Variants in B3GLCT observed in about 807,000 individuals in gnomAD.
The protein encoded by B3GLCT is beta-1,3-glucosyltransferase.
A neutral mutation model predicts 63.4 loss-of-function variants in B3GLCT; 65 were observed. The observed-to-expected ratio is 1.03, with a 90% confidence interval of 0.84 to 1.26. The LOEUF (loss-of-function observed/expected upper bound fraction) is 1.26, where lower values mean the gene tolerates loss of function less well. Among genes scored for constraint, B3GLCT ranks in the 50% most tolerant of loss-of-function variants. The probability of loss-of-function intolerance (pLI) is 0.00; values close to 1 mark genes in which losing one functional copy is unlikely to be tolerated. For missense variants in B3GLCT, 577 were observed against 604.8 expected, an observed-to-expected ratio of 0.95 and a Z score of 0.48; for synonymous variants, 233 against 219.2, an observed-to-expected ratio of 1.06 and a Z score of -0.55.
intron 12 of B3GLCT, among the ~76,000 whole-genome samples, chr13:31,293,742 G>A (rs954431599): frequency 6.6e-6 from 1 of 152,076 alleles, no homozygotes; most frequent in African/African-American, 2.4e-5. Flanking sequence ...ACTCCAATGG[G>A]TCTTGACTCT....
At chr13:31,231,029 T>C (rs781447731) in intron 4 of B3GLCT, among the ~76,000 whole-genome samples, 2 of 152,214 alleles carry the variant, frequency 1.3e-5, no homozygotes, top group Non-Finnish European at 2.9e-5. Context: ...AATTTTTTTT[T>C]CTTTTTTTTG....
chr13:31,254,666 A>G (rs575647722), intron 6 of B3GLCT, among the ~76,000 whole-genome samples: 5 of 152,194 alleles, frequency 3.3e-5, no homozygotes, highest in South Asian at 2.1e-4. Context: ...GGCCAGGGCA[A>G]TCAGGCAAGA....
At chr13:31,210,215 A>G (rs1045356840) in intron 1 of B3GLCT, among the ~76,000 whole-genome samples, 34 of 152,352 alleles carry the variant, frequency 2.2e-4, no homozygotes, top group African/African-American at 7.7e-4. Flanking sequence ...TGCACTTTAA[A>G]TATAGTTCCC....
At chr13:31,290,156 T>TG (rs1241025315) in intron 12 of B3GLCT, among the ~76,000 whole-genome samples, 1 of 152,210 alleles carries the variant, frequency 6.6e-6, no homozygotes, top group Non-Finnish European at 1.5e-5. Context: ...CTGAGAATGA[T>TG]GGTTTCCAGA....
intron 10 of B3GLCT, among the ~76,000 whole-genome samples, chr13:31,278,919 C>T (rs1477259577): frequency 6.6e-6 from 1 of 152,172 alleles, no homozygotes; most frequent in African/African-American, 2.4e-5. Flanking sequence ...TGGAATGATA[C>T]ACAACTGGCT....
intron 5 of B3GLCT, 52 bp from the exon 6 acceptor site, chr13:31,247,803 T>C (rs1021979833): frequency 1.1e-6 from 1 of 923,970 alleles, no homozygotes. Flanking sequence ...TTAAACCTTA[T>C]TATTAACTTA....
chr13:31,232,231 C>T lies in B3GLCT; in HGVS notation c.270+2937C>T, dbSNP rs564186872. ...TCTAGGATCACTTGCCATATTAGTC[C>T]ATCTTTGCATCGCTATAAAGAAATA... On this transcript the variant is annotated intron_variant, in intron 4 of 14. Coordinates refer to ENST00000343307, the MANE Select transcript of B3GLCT (RefSeq NM_194318.4). Among the ~76,000 whole-genome samples, 3 of 152,298 alleles carry T rather than the reference C, an allele frequency of 2.0e-5. No individual in the cohort carries two copies. The South Asian group carries it at 6.2e-4, about 32-fold the overall frequency.
intron 3 of B3GLCT, among the ~76,000 whole-genome samples, chr13:31,223,478 G>T (rs1019171180): frequency 6.6e-6 from 1 of 152,134 alleles, no homozygotes; most frequent in African/African-American, 2.4e-5. Context: ...AACTTGTCCC[G>T]AGCATCCTGG....
intron 12 of B3GLCT, chr13:31,311,296 A>C (rs1874693914): frequency 6.6e-6 from 1 of 152,294 alleles, no homozygotes; most frequent in South Asian, 2.1e-4. Flanking sequence ...AGGACAGTGG[A>C]CAGCTCAGTA....
chr13:31,207,429 C>T (rs1297963490), intron 1 of B3GLCT, among the ~76,000 whole-genome samples: 1 of 152,038 alleles, frequency 6.6e-6, no homozygotes, highest in Non-Finnish European at 1.5e-5. Flanking sequence ...AATCTCACCC[C>T]CAAGACTGTT....
chr13:31,229,817 T>G (rs141053244), intron 4 of B3GLCT, among the ~76,000 whole-genome samples: 2,061 of 129,342 alleles, frequency 0.016, 52 homozygotes, highest in African/African-American at 0.055. Flanking sequence ...CTGAATTTTT[T>G]TTTGTGTGTG....
At chr13:31,310,712 G>A (rs1282124191) in intron 12 of B3GLCT, among the ~76,000 whole-genome samples, 1 of 152,208 alleles carries the variant, frequency 6.6e-6, no homozygotes, top group Non-Finnish European at 1.5e-5. Flanking sequence ...GCTATAACAG[G>A]AACAAGCTGT....
At chr13:31,258,362 T>TC (rs1331468353) in intron 6 of B3GLCT, among the ~76,000 whole-genome samples, 16 of 152,200 alleles carry the variant, frequency 1.1e-4, no homozygotes, top group Non-Finnish European at 1.5e-5. Flanking sequence ...CTTTTTTTCT[T>TC]CAACTTCATG....
At chr13:31,286,961 C>A in intron 12 of B3GLCT, 142 bp downstream of exon 12, 2 of 575,342 alleles carry the variant, frequency 3.5e-6, no homozygotes, top group Non-Finnish European at 6.2e-6. Context: ...TCTTAAGGAA[C>A]AAAATATATA....
intron 12 of B3GLCT, among the ~76,000 whole-genome samples, chr13:31,316,910 T>C (rs1244810128): frequency 6.6e-6 from 1 of 152,202 alleles, no homozygotes; most frequent in African/African-American, 2.4e-5. Flanking sequence ...TAAGCTGTTG[T>C]TGGTAATGTG....
chr13:31,273,242 G>T (rs929157354), intron 8 of B3GLCT, among the ~76,000 whole-genome samples: 14 of 152,008 alleles, frequency 9.2e-5, no homozygotes, highest in Admixed American at 1.3e-4. Flanking sequence ...CTACAGGCGC[G>T]TGCCACCACG....
Position 31,260,949 on chromosome 13 carries a change from T to C in B3GLCT, c.463T>C (p.Trp155Arg), listed in dbSNP as rs772799456. 1.9e-6 allele frequency: 3 copies of C among 1,613,574 alleles called. No individual in the cohort carries two copies. Among genetic ancestry groups the C allele is most frequent in the Non-Finnish European group, 2.5e-6 (3 of 1,179,494 alleles). Residue 155 changes from tryptophan (W) to arginine (R), a missense_variant, in exon 7 of 15, where the codon TGG becomes CGG. Physicochemically the swap from Trp to Arg is moderately radical, Grantham distance 101. Coordinates refer to ENST00000343307, the MANE Select transcript of B3GLCT (RefSeq NM_194318.4). Reference sequence around the variant, plus strand: ...ATGTTATATCTTTATTTAACAGGAATGGTTTTTGGGAAAAGCATTACATGA... The same window carrying C: ...ATGTTATATCTTTATTTAACAGGAACGGTTTTTGGGAAAAGCATTACATGA... The part of the protein sequence containing the change: ...TLRRYDPSKE[W>R]FLGKALHDEE...
intron 10 of B3GLCT, among the ~76,000 whole-genome samples, chr13:31,282,457 G>A (rs1048129644): frequency 6.6e-6 from 1 of 152,058 alleles, no homozygotes; most frequent in Non-Finnish European, 1.5e-5. Flanking sequence ...GGCTAACACG[G>A]TGAAACCCTG....
intron 3 of B3GLCT, 78 bp from the exon 4 acceptor site, chr13:31,229,107 A>AT (rs1307675527): frequency 1.2e-5 from 11 of 948,602 alleles, no homozygotes; most frequent in Middle Eastern, 2.8e-4. Flanking sequence ...CTTTGTAGCT[A>AT]TTTTTTCACT....
Sources: allele counts gnomAD v4.1 joint callset (sites outside exome capture counted in the v4.1 genomes callset), GRCh38; gene constraint gnomAD v4.1.1; transcripts MANE v1.5; gene names NCBI Gene and HGNC (gene_info 2026-07-23, HGNC 2026-07-21).